Variants in REPS1 observed in about 807,000 individuals in gnomAD.
The protein encoded by REPS1 is ralBP1-associated Eps domain-containing protein 1.
A neutral mutation model predicts 100.9 loss-of-function variants in REPS1; 39 were observed. That is an observed-to-expected ratio of 0.39 (90% CI 0.30 to 0.50). REPS1 has a LOEUF of 0.50. REPS1 is among the 20% of genes least tolerant of loss of function. The probability of loss-of-function intolerance (pLI) is 0.86; values close to 1 mark genes in which losing one functional copy is unlikely to be tolerated. For synonymous variants in REPS1, 324 were observed against 340.3 expected (o/e 0.95, Z 0.53); for missense variants, 821 against 968.5 (o/e 0.85, Z 2.02).
At chr6:138,975,274 A>G (rs1784537017) in intron 1 of REPS1, among the ~76,000 whole-genome samples, 1 of 152,196 alleles carries the variant, frequency 6.6e-6, no homozygotes. Context: ...AAACCTCAGA[A>G]TCATTCTTTG....
At position 138,908,854 on chromosome 6, in the gene REPS1, G is replaced by T. The variant is rs778927142; in HGVS notation, c.2068-38C>A. ...AATTCCATTAATAATAAGCATTTTT[G>T]AAGACATTCATAGTTAGCACTTTGC... On this transcript the variant is annotated intron_variant, in intron 17 of 19. Coordinates refer to ENST00000450536, the MANE Select transcript of REPS1 (RefSeq NM_001286611.2). 7 of 1,599,368 alleles carry T rather than the reference G, an allele frequency of 4.4e-6. No individual in the cohort carries two copies. The South Asian group carries it at 6.7e-5, about 15-fold the overall frequency.
chr6:138,917,660 A>G (rs1562517253), intron 12 of REPS1, 33 bp from the exon 13 acceptor site: 1 of 1,554,646 alleles, frequency 6.4e-7, no homozygotes, highest in Non-Finnish European at 8.9e-7. Context: ...TTTAATAATA[A>G]TCATTTCTTT....
chr6:138,908,748 TTCA>T lies in REPS1; in HGVS notation c.2133_2135del (p.Asp711del). On this transcript the variant is annotated inframe_deletion, in exon 18 of 20. Coordinates refer to ENST00000450536, the MANE Select transcript of REPS1 (RefSeq NM_001286611.2). The stretch of plus-strand genomic sequence containing the variant: ...TATGTTCATCAACTTCTGGCCTTAA[TTCA>T]TCTTCTGATTTTAATCTTCTTCGAA... 1 of 1,614,204 alleles carries T rather than the reference TTCA, an allele frequency of 6.2e-7. No homozygotes were observed. Among genetic ancestry groups the T allele is most frequent in the Non-Finnish European group, 8.5e-7 (1 of 1,180,018 alleles).
intron 19 of REPS1, 199 bp downstream of exon 19, chr6:138,907,296 T>TA: frequency 1.7e-5 from 4 of 234,028 alleles, no homozygotes; most frequent in Non-Finnish European, 3.2e-5. Flanking sequence ...TCGTGTCTCT[T>TA]TAAAAAAAAA....
intron 1 of REPS1, among the ~76,000 whole-genome samples, chr6:138,981,670 G>A (rs768542912): frequency 1.1e-4 from 17 of 152,052 alleles, no homozygotes; most frequent in East Asian, 5.8e-4. Context: ...TAGATTAGCC[G>A]CTCCTACACA....
chr6:138,912,216 T>C (rs142793924), intron 16 of REPS1, among the ~76,000 whole-genome samples: 10 of 152,234 alleles, frequency 6.6e-5, no homozygotes, highest in Admixed American at 5.2e-4. Context: ...GTTCTTGCCA[T>C]TGGAACTACA....
At chr6:138,915,667 G>C (rs1468423349) in intron 14 of REPS1, among the ~76,000 whole-genome samples, 191 bp downstream of exon 14, 1 of 151,972 alleles carries the variant, frequency 6.6e-6, no homozygotes, top group Non-Finnish European at 1.5e-5. Flanking sequence ...TGGCCAGGCT[G>C]GTCTCGAACT....
At chr6:138,939,280 GGA>G in intron 8 of REPS1, among the ~76,000 whole-genome samples, 1 of 147,842 alleles carries the variant, frequency 6.8e-6, no homozygotes, top group African/African-American at 2.5e-5. Context: ...CTGTGAGGGG[GGA>G]AAAAACTATC....
chr6:138,911,360 A>G lies in REPS1; in HGVS notation c.1983T>C (p.Ala661=). 1.2e-6 allele frequency: 2 copies of G among 1,610,532 alleles called. No individual in the cohort carries two copies. The highest frequency in any genetic ancestry group is 1.1e-5 in the South Asian group (1 of 90,864). The part of the protein sequence containing the change: ...KHPEVLPAEK[A]SDPASSLRVA... ...CTCGAAGAGAACTTGCAGGATCAGA[A>G]GCTTTTTCAGCCTAAAAATGAATAT... The change falls in exon 17 of 20, where the codon GCT becomes GCC. Residue 661 remains alanine (A), a synonymous_variant. Coordinates refer to ENST00000450536, the MANE Select transcript of REPS1 (RefSeq NM_001286611.2).
intron 6 of REPS1, 105 bp downstream of exon 6, chr6:138,943,744 ATAAT>A: frequency 1.8e-6 from 2 of 1,085,664 alleles, no homozygotes; most frequent in Non-Finnish European, 2.6e-6. Flanking sequence ...AAATAATCTG[ATAAT>A]TATTTTATAA....
At chr6:138,947,456 G>A (rs751882726) in intron 2 of REPS1, among the ~76,000 whole-genome samples, 3 of 152,070 alleles carry the variant, frequency 2.0e-5, no homozygotes, top group Non-Finnish European at 2.9e-5. Context: ...ACATGAAGAT[G>A]GTCGCTGTAA....
At chr6:138,911,166 T>C (rs554602809) in intron 17 of REPS1, 110 bp downstream of exon 17, 3 of 715,306 alleles carry the variant, frequency 4.2e-6, no homozygotes, top group Non-Finnish European at 7.3e-6. Flanking sequence ...TATACTACAG[T>C]TAAAGGCAGA....
rs368941743 is a variant in REPS1 at position 138,943,940 on chromosome 6, C to T, written c.829G>A (p.Asp277Asn). The T allele has an allele frequency of 8.7e-6, 14 of 1,613,524 alleles. No homozygotes were observed. Among genetic ancestry groups the T allele is most frequent in the Non-Finnish European group, 1.1e-5 (13 of 1,179,640 alleles). Residue 277 changes from aspartate (D) to asparagine (N), a missense_variant, in exon 6 of 20, where the codon GAT becomes AAT. This residue lies in a region of REPS1 where 757 missense variants were observed against 866.4 expected (regional missense o/e 0.87). Transcript: ENST00000450536. ...TGTTCATCTGTTATTTTCCAGGGATCATCATAACTACTGGATTGCCTACGA... is the reference window on the plus strand; with the variant it reads ...TGTTCATCTGTTATTTTCCAGGGATTATCATAACTACTGGATTGCCTACGA... Reference protein sequence around the residue: ...EIRRQSSSYDDPWKITDEQRQ... With the variant: ...EIRRQSSSYDNPWKITDEQRQ...
intron 1 of REPS1, among the ~76,000 whole-genome samples, chr6:138,961,201 A>G (rs1287488392): frequency 6.6e-6 from 1 of 152,216 alleles, no homozygotes; most frequent in Non-Finnish European, 1.5e-5. Flanking sequence ...AATATTAAAA[A>G]GATGTATGCT....
rs557591915 is a variant in REPS1 at position 138,929,048 on chromosome 6, C to A, written c.1257+929G>T. The A allele has an allele frequency of 2.0e-5, 3 of 152,194 alleles. No individual in the cohort carries two copies. The East Asian group carries it at 5.8e-4, about 29-fold the overall frequency. The allele number at this position is 152,194 out of a possible 1,614,324, so 9.4% of individuals were successfully genotyped here. A position where few individuals can be genotyped will look rare whatever the true frequency, so the allele number is the denominator to read the frequency against. On this transcript the variant is annotated intron_variant, in intron 9 of 19. Coordinates refer to ENST00000450536, the MANE Select transcript of REPS1 (RefSeq NM_001286611.2). ...ATTAATATCTAGCATGCTCTTTAAT[C>A]CAGCATTTTTCTGGCTTTAAAAGGC...
At chr6:138,927,725 T>A (rs1231469501) in intron 9 of REPS1, 1 of 152,206 alleles carries the variant, frequency 6.6e-6, no homozygotes. Flanking sequence ...AGTTTTCATA[T>A]GAAAATTAAG....
At chr6:138,975,919 C>G (rs1007701073) in intron 1 of REPS1, among the ~76,000 whole-genome samples, 1 of 152,112 alleles carries the variant, frequency 6.6e-6, no homozygotes, top group Non-Finnish European at 1.5e-5. Context: ...TAAGTACTTA[C>G]AAAAGATGAG....
intron 1 of REPS1, among the ~76,000 whole-genome samples, chr6:138,964,463 G>A (rs1186755948): frequency 3.3e-5 from 5 of 151,946 alleles, no homozygotes; most frequent in Non-Finnish European, 7.4e-5. Context: ...AGTAACATTA[G>A]ACTTTTCTGG....
chr6:138,979,739 C>T lies in REPS1; in HGVS notation c.153+7791G>A, dbSNP rs75020579. ...ACCACTCTGATTGTGTGCTTCCTAGCGTCCTTCCAAGAAGCCTTCCAGTTT... is the reference window on the plus strand; with the variant it reads ...ACCACTCTGATTGTGTGCTTCCTAGTGTCCTTCCAAGAAGCCTTCCAGTTT... On this transcript the variant is annotated intron_variant, in intron 1 of 19. Coordinates refer to ENST00000450536, the MANE Select transcript of REPS1 (RefSeq NM_001286611.2). 1.9e-3 allele frequency among the ~76,000 whole-genome samples: 283 copies of T among 152,290 alleles called. 3 individuals are homozygous for T. In the East Asian group the frequency reaches 0.046, roughly 25 times the overall value.
Sources: allele counts gnomAD v4.1 joint callset (sites outside exome capture counted in the v4.1 genomes callset), GRCh38; gene constraint gnomAD v4.1.1; regional missense constraint gnomAD v4.1.1; transcripts MANE v1.5; gene names NCBI Gene and HGNC (gene_info 2026-07-23, HGNC 2026-07-21).